Variants in PDE1C observed in about 807,000 individuals in gnomAD.
PDE1C encodes phosphodiesterase 1C, also known as dual specificity calcium/calmodulin-dependent 3',5'-cyclic nucleotide phosphodiesterase 1C.
In PDE1C, 62 loss-of-function variants were observed where a neutral mutation model predicts 93.1. That is an observed-to-expected ratio of 0.67 (90% confidence interval 0.54 to 0.82). The LOEUF is 0.82. Among genes scored for constraint, PDE1C ranks in the 40% least tolerant of loss-of-function variants. The pLI is 0.00. For synonymous variants in PDE1C, 325 were observed against 310.1 expected, an observed-to-expected ratio of 1.05 and a Z score of -0.50; for missense variants, 742 against 884.6, an observed-to-expected ratio of 0.84 and a Z score of 2.04.
chr7:32,340,973 A>G (rs1292270940), intron 1 of PDE1C, among the ~76,000 whole-genome samples: 1 of 152,118 alleles, frequency 6.6e-6, no homozygotes, highest in East Asian at 1.9e-4. Context: ...TGCAACACCA[A>G]GAATGGCCCC....
chr7:31,642,185 T>A, the PDE1C span: 2 of 1,559,816 alleles, frequency 1.3e-6, no homozygotes, highest in Middle Eastern at 2.1e-4. Flanking sequence ...GGTGCCAGGG[T>A]GGACAGAGCA....
At chr7:32,367,075 C>A (rs937245515) in intron 1 of PDE1C, among the ~76,000 whole-genome samples, 1 of 152,012 alleles carries the variant, frequency 6.6e-6, no homozygotes, top group South Asian at 2.1e-4. Flanking sequence ...GAATATCATG[C>A]CCAGCAAAGC....
chr7:32,312,584 C>T (rs1783071465), intron 1 of PDE1C, among the ~76,000 whole-genome samples: 1 of 151,952 alleles, frequency 6.6e-6, no homozygotes, highest in African/African-American at 2.4e-5. Flanking sequence ...CAGAACAGAG[C>T]CCTCAAAAAA....
rs1357532489 is a variant in PDE1C, at chr7:32,420,365, G to A, written c.310+7457C>T. ...TGTATATATATGTGTATATATATAT[G>A]TGTATATATATGTGTATATATATAT... On this transcript the variant is annotated intron_variant, in intron 1 of 1. Coordinates refer to the PDE1C transcript ENST00000672256. Among the ~76,000 whole-genome samples the A allele has an allele frequency of 6.7e-3, 31 of 4,658 alleles. 9 individuals carry two copies. The highest frequency in any genetic ancestry group is 0.016 in the East Asian group (2 of 124). The allele number at this position is 4,658 out of a possible 152,430, so 3.1% of individuals were successfully genotyped here. A position where few individuals can be genotyped will look rare whatever the true frequency, so the allele number is the denominator to read the frequency against.
chr7:32,022,517 T>G (rs947362141), intron 2 of PDE1C, among the ~76,000 whole-genome samples: 2 of 151,856 alleles, frequency 1.3e-5, no homozygotes, highest in South Asian at 2.1e-4. Flanking sequence ...CATGGGGTGA[T>G]GGGGAATGAA....
chr7:32,123,015 A>G (rs1799382437), intron 3 of PDE1C, among the ~76,000 whole-genome samples: 1 of 152,198 alleles, frequency 6.6e-6, no homozygotes. Context: ...ACACAATAAA[A>G]AATGATGACG....
intron 1 of PDE1C, among the ~76,000 whole-genome samples, chr7:32,261,286 A>G (rs1176295802): frequency 6.6e-6 from 1 of 152,072 alleles, no homozygotes. Context: ...CACCCAGACC[A>G]GTAATCTAGC....
At chr7:32,252,471 G>T (rs1468123654) in intron 1 of PDE1C, among the ~76,000 whole-genome samples, 2 of 152,172 alleles carry the variant, frequency 1.3e-5, no homozygotes, top group East Asian at 3.8e-4. Flanking sequence ...GGGGGGAAAG[G>T]GATACTTTTT....
chr7:31,795,809 A>G (rs1373082822), intron 16 of PDE1C, among the ~76,000 whole-genome samples: 1 of 151,658 alleles, frequency 6.6e-6, no homozygotes, highest in East Asian at 1.9e-4. Flanking sequence ...ATTGGTTAAT[A>G]GATATTCCCC....
chr7:32,370,032 G>A (rs61985968), intron 1 of PDE1C, among the ~76,000 whole-genome samples: 13 of 152,176 alleles, frequency 8.5e-5, no homozygotes, highest in African/African-American at 2.4e-4. Flanking sequence ...ACATGCACAC[G>A]TATGTTTATT....
intron 2 of PDE1C, chr7:32,209,462 GA>G (rs1805847985): frequency 3.9e-6 from 6 of 1,553,316 alleles, no homozygotes; most frequent in Non-Finnish European, 5.2e-6. Flanking sequence ...TGGAGACCAG[GA>G]AAGGAGTGAA....
chr7:31,728,579 C>A, the PDE1C span, among the ~76,000 whole-genome samples: 1 of 152,332 alleles, frequency 6.6e-6, no homozygotes, highest in Non-Finnish European at 1.5e-5. Context: ...TTTATTCCCT[C>A]ATTCCTCAGG....
intron 3 of PDE1C, among the ~76,000 whole-genome samples, chr7:32,161,545 G>A (rs986547700): frequency 4.8e-5 from 7 of 147,290 alleles, no homozygotes; most frequent in East Asian, 3.9e-4. Context: ...TGACCCCCAG[G>A]GGTAGTTTGG....
At position 32,263,417 on chromosome 7, in the gene PDE1C, T is replaced by C. The variant is rs368419844; in HGVS notation, c.85+35234A>G. 7.2e-4 allele frequency among the ~76,000 whole-genome samples: 110 copies of C among 152,274 alleles called. 2 individuals are homozygous for C. The South Asian group carries it at 0.021, about 29-fold the overall frequency. ...GAATAAATTTAATTTAATTTTTATT[T>C]ATTTTTCTGAACCATGTTAAGATAA... On this transcript the variant is annotated intron_variant, in intron 1 of 18. Coordinates refer to the PDE1C transcript ENST00000396193.
downstream of PDE1C, among the ~76,000 whole-genome samples, chr7:31,747,348 C>G (rs1794027947): frequency 6.6e-6 from 1 of 152,152 alleles, no homozygotes; most frequent in Non-Finnish European, 1.5e-5. Context: ...TAAGTCTTCC[C>G]ACACAGGTTC....
intron 3 of PDE1C, among the ~76,000 whole-genome samples, chr7:32,101,491 G>C (rs1217525910): frequency 6.6e-6 from 1 of 152,074 alleles, no homozygotes; most frequent in East Asian, 1.9e-4. Context: ...TGTATGACTT[G>C]GTGCTGTCCC....
intron 1 of PDE1C, among the ~76,000 whole-genome samples, chr7:32,386,832 T>G (rs184642015): frequency 1.3e-5 from 2 of 152,288 alleles, no homozygotes; most frequent in African/African-American, 4.8e-5. Context: ...AGAGGTTGAT[T>G]CGATTTGCCC....
chr7:31,900,442 T>A (rs1799828796), intron 2 of PDE1C, among the ~76,000 whole-genome samples: 1 of 150,652 alleles, frequency 6.6e-6, no homozygotes, highest in African/African-American at 2.4e-5. Flanking sequence ...TAATATACAA[T>A]CCTTTATTGA....
chr7:32,412,823 T>C (rs771821240), intron 1 of PDE1C, among the ~76,000 whole-genome samples: 29 of 152,172 alleles, frequency 1.9e-4, no homozygotes, highest in African/African-American at 6.8e-4. Flanking sequence ...TGCAGCATCA[T>C]AGAAAGCTTG....
Sources: allele counts gnomAD v4.1 joint callset (sites outside exome capture counted in the v4.1 genomes callset), GRCh38; gene constraint gnomAD v4.1.1; transcripts MANE v1.5; gene names NCBI Gene and HGNC (gene_info 2026-07-23, HGNC 2026-07-21).